Variants in ADAD2 observed in about 807,000 individuals in gnomAD.
ADAD2 encodes adenosine deaminase domain containing 2.
A neutral mutation model predicts 54.5 loss-of-function variants in ADAD2; 60 were observed. The ratio of observed to expected loss-of-function variants is 1.10; its 90% CI spans 0.89 to 1.36. The LOEUF (loss-of-function observed/expected upper bound fraction) is 1.36, where lower values mean the gene tolerates loss of function less well. Ranked by LOEUF, ADAD2 falls within the 40% of genes most tolerant of loss-of-function variation. The pLI, the probability that ADAD2 is intolerant of heterozygous loss-of-function variation, is 0.00. For synonymous variants in ADAD2, 543 were observed against 366.2 expected (o/e 1.48, Z -5.51); for missense variants, 1,103 against 801.3 (o/e 1.38, Z -4.54).
chr16:84,195,954 G>T lies in ADAD2; in HGVS notation c.1192G>T (p.Asp398Tyr). 1.3e-6 allele frequency: 2 copies of T among 1,599,160 alleles called. No individual in the cohort carries two copies. Among genetic ancestry groups the T allele is most frequent in the Non-Finnish European group, 1.7e-6 (2 of 1,179,574 alleles). The change falls in exon 7 of 10, where the codon GAC becomes TAC. Residue 398 changes from aspartate (D) to tyrosine (Y), a missense_variant. By Grantham distance (160) the Asp-to-Tyr change is radical. Transcript: ENST00000315906. ...DTHVGCLSAS[D>Y]KLARWAVLGL... ...CCACGTGGGCTGCCTGTCAGCCAGT[G>T]ACAAGCTGGCACGCTGGGCCGTGCT...
Position 84,196,636 on chromosome 16 carries a change from T to C in ADAD2, c.1527-11T>C, listed in dbSNP as rs746719266. On this transcript the variant is annotated splice_polypyrimidine_tract_variant and intron_variant, in intron 8 of 9. Transcript: ENST00000315906. ...TCTCTCTGATCTCAGTGGTATCCTC[T>C]CTTCATCCAGTGCCGCCCTGGGGCC... 2.5e-6 allele frequency: 4 copies of C among 1,612,454 alleles called. No homozygotes were observed. Among genetic ancestry groups the C allele is most frequent in the Non-Finnish European group, 3.4e-6 (4 of 1,179,496 alleles).
rs754442532 is a variant in ADAD2, at chr16:84,191,401, G to A, written c.171G>A (p.Gly57=). The change falls in exon 1 of 10, where the codon GGG becomes GGA. Residue 57 remains glycine (G), a synonymous_variant. Coordinates refer to ENST00000315906, the MANE Select transcript of ADAD2 (RefSeq NM_001145400.2). Reference sequence around the variant, plus strand: ...CCGCGACGTATCGCGCGGAGGGCGGGTGGCCCCAGGTCTCGGTGTTGAGGG... The same window carrying A: ...CCGCGACGTATCGCGCGGAGGGCGGATGGCCCCAGGTCTCGGTGTTGAGGG... ...PAPATYRAEG[G]WPQVSVLRDS... 1 of 1,495,234 alleles carries A rather than the reference G, an allele frequency of 6.7e-7. No homozygotes were observed. The highest frequency in any genetic ancestry group is 8.9e-7 in the Non-Finnish European group (1 of 1,126,280). 92.6% of individuals were successfully genotyped at this position (1,495,234 alleles called of 1,614,324 possible).
chr16:84,196,608 G>A (rs767887702), intron 8 of ADAD2, 39 bp from the exon 9 acceptor site: 5 of 1,604,070 alleles, frequency 3.1e-6, no homozygotes, highest in Non-Finnish European at 4.3e-6. Flanking sequence ...GGTCCAGCTT[G>A]TATCTCTCTG....
At chr16:84,192,718 AT>A (rs111366441) in intron 1 of ADAD2, 1 of 151,330 alleles carries the variant, frequency 6.6e-6, no homozygotes, top group Non-Finnish European at 1.5e-5. Flanking sequence ...TTATTTTTGT[AT>A]TTTTAGTACA....
rs1019145852 is a variant in ADAD2, at chr16:84,197,135, G to A, written c.*161G>A. 8.9e-6 allele frequency: 6 copies of A among 677,416 alleles called. No homozygotes were observed. The highest frequency in any genetic ancestry group is 3.6e-5 in the African/African-American group (2 of 54,886). 42.0% of individuals were successfully genotyped at this position (677,416 alleles called of 1,614,324 possible). A position where few individuals can be genotyped will look rare whatever the true frequency, so the allele number is the denominator to read the frequency against. On this transcript the variant is annotated 3_prime_UTR_variant, in exon 10 of 10. Coordinates refer to ENST00000315906, the MANE Select transcript of ADAD2 (RefSeq NM_001145400.2). ...TGTGGTTGGGAGGCGGCTGCTGCACGTTTGGGCTTGAATAAAGAAGTATTT... is the reference window on the plus strand; with the variant it reads ...TGTGGTTGGGAGGCGGCTGCTGCACATTTGGGCTTGAATAAAGAAGTATTT...
chr16:84,194,299 G>A (rs13333300), intron 1 of ADAD2, 143 bp from the exon 2 acceptor site: 84,820 of 1,546,690 alleles, frequency 0.055, 2,495 homozygotes, highest in East Asian at 0.072. Context: ...GGGTGGCGAT[G>A]GAGCCTGCTG....
chr16:84,195,904 A>G lies in ADAD2; in HGVS notation c.1142A>G (p.Tyr381Cys). The change falls in exon 7 of 10, where the codon TAC (tyrosine) becomes TGC (cysteine). Residue 381 changes from tyrosine (Y) to cysteine (C), a missense_variant. Coordinates refer to ENST00000315906, the MANE Select transcript of ADAD2 (RefSeq NM_001145400.2). Reference protein sequence around the residue: ...HVLGQLKPVCYVAPSLCDTHV... With the variant: ...HVLGQLKPVCCVAPSLCDTHV... ...CTCGGGCAGCTGAAGCCTGTGTGCT[A>G]CGTGGCGCCCTCGCTCTGTGACACC... 1 of 1,601,602 alleles carries G rather than the reference A, an allele frequency of 6.2e-7. No individual in the cohort carries two copies. Among genetic ancestry groups the G allele is most frequent in the Admixed American group, 1.7e-5 (1 of 59,956 alleles).
intron 1 of ADAD2, chr16:84,194,117 G>C (rs770675816): frequency 6.2e-7 from 1 of 1,613,956 alleles, no homozygotes; most frequent in Admixed American, 1.7e-5. Context: ...CGTGGGCTCT[G>C]GAGAGGGGAC....
At chr16:84,195,265 G>T (rs750892976) in intron 4 of ADAD2, 31 bp from the exon 5 acceptor site, 2 of 1,611,912 alleles carry the variant, frequency 1.2e-6, no homozygotes, top group Admixed American at 1.7e-5. Context: ...CCTTGCCTTA[G>T]GCTGGGCCGT....
At chr16:84,196,804 C>G in intron 9 of ADAD2, 37 bp downstream of exon 9, 1 of 1,600,832 alleles carries the variant, frequency 6.2e-7, no homozygotes, top group South Asian at 1.1e-5. Context: ...CGGTCCCTCT[C>G]CAGCCCTGCA....
Position 84,195,947 on chromosome 16 carries a change from A to G in ADAD2, c.1185A>G (p.Ser395=). 1 of 1,599,458 alleles carries G rather than the reference A, an allele frequency of 6.3e-7. No homozygotes were observed. Among genetic ancestry groups the G allele is most frequent in the South Asian group, 1.1e-5 (1 of 91,038 alleles). Residue 395 remains serine, a synonymous_variant, in exon 7 of 10, where the codon TCA becomes TCG. Transcript: ENST00000315906. ...GTGACACCCACGTGGGCTGCCTGTC[A>G]GCCAGTGACAAGCTGGCACGCTGGG... is the stretch of plus-strand genomic sequence containing the variant. ...SLCDTHVGCL[S]ASDKLARWAV...
chr16:84,194,359 T>G (rs1462010412), intron 1 of ADAD2, 83 bp from the exon 2 acceptor site: 11 of 1,554,880 alleles, frequency 7.1e-6, no homozygotes, highest in Non-Finnish European at 9.6e-6. Context: ...GTCCTCGATA[T>G]CAGGTGTCAG....
At chr16:84,196,506 G>A (rs1428860290) in intron 8 of ADAD2, 136 bp downstream of exon 8, 14 of 1,541,940 alleles carry the variant, frequency 9.1e-6, no homozygotes, top group African/African-American at 4.1e-5. Context: ...TCCTAGCTCC[G>A]TAGTGGTGGC....
rs73252701 is a variant in ADAD2 at position 84,195,145 on chromosome 16, G to A, written c.684G>A (p.Ser228=). 66 of 1,613,534 alleles carry A rather than the reference G, an allele frequency of 4.1e-5. No individual in the cohort carries two copies. The highest frequency in any genetic ancestry group is 3.6e-4 in the African/African-American group (27 of 75,046). ...AGFDLLLDER[S]PYWACKGTVA... is the part of the protein sequence containing the mutation. ...TTGACCTCCTGTTGGACGAGCGCTC[G>A]CCATACTGGGCCTGTAAGGGGACTG... is the stretch of plus-strand genomic sequence containing the variant. The change falls in exon 4 of 10, where the codon TCG becomes TCA. Residue 228 remains serine (S), a synonymous_variant. Transcript: ENST00000315906.
chr16:84,196,277 C>T lies in ADAD2; in HGVS notation c.1433C>T (p.Thr478Ile), dbSNP rs147920041. The T allele has an allele frequency of 3.2e-4, 518 of 1,612,938 alleles. 5 individuals carry two copies. The East Asian group carries it at 8.1e-3, about 25-fold the overall frequency. ...AGPPVAPSEPTPDTCRGLSLN... is the reference protein window; with the variant it reads ...AGPPVAPSEPIPDTCRGLSLN... ...CCCCCGGTGGCCCCTTCCGAACCCA[C>T]CCCTGACACCTGCCGTGGCCTGAGC... The change falls in exon 8 of 10, where the codon ACC (threonine) becomes ATC (isoleucine). Residue 478 changes from threonine to isoleucine, a missense_variant. Physicochemically the swap from Thr to Ile is moderately conservative, Grantham distance 89. Coordinates refer to ENST00000315906, the MANE Select transcript of ADAD2 (RefSeq NM_001145400.2).
Position 84,195,404 on chromosome 16 carries a change from A to G in ADAD2, c.842A>G (p.His281Arg). The G allele has an allele frequency of 6.2e-7, 1 of 1,609,208 alleles. No individual in the cohort carries two copies. The highest frequency in any genetic ancestry group is 1.3e-5 in the African/African-American group (1 of 74,996). The change falls in exon 5 of 10, where the codon CAC becomes CGC. Residue 281 changes from histidine to arginine, a missense_variant. Transcript: ENST00000315906. Reference sequence around the variant, plus strand: ...CTGGAGTTCTCGGGCCAGCAGCTCCACGACTGCCATGGCCTGGTCATCGCC... The same window carrying G: ...CTGGAGTTCTCGGGCCAGCAGCTCCGCGACTGCCATGGCCTGGTCATCGCC... ...GWLEFSGQQL[H>R]DCHGLVIARR... is the part of the protein sequence containing the mutation.
chr16:84,194,659 G>A (rs777108028), intron 2 of ADAD2, 77 bp downstream of exon 2: 17 of 1,548,662 alleles, frequency 1.1e-5, no homozygotes, highest in African/African-American at 1.4e-5. Context: ...GTGGGGAGGC[G>A]GAAGTGGCTG....
rs1027580145 is a variant in ADAD2, at chr16:84,196,336, G to T, written c.1492G>T (p.Val498Phe). The change falls in exon 8 of 10, where the codon GTT becomes TTT. Residue 498 changes from valine to phenylalanine, a missense_variant. Physicochemically the swap from Val to Phe is conservative, Grantham distance 50. Transcript: ENST00000315906. ...NWSLGDPGIE[V>F]VDVATGRVKA... ...GAGCCTGGGGGACCCTGGCATCGAG[G>T]TTGTGGATGTGGCCACCGGGCGTGT... The T allele has an allele frequency of 6.2e-7, 1 of 1,612,712 alleles. No homozygotes were observed. Among genetic ancestry groups the T allele is most frequent in the African/African-American group, 1.3e-5 (1 of 74,934 alleles).
Position 84,196,725 on chromosome 16 carries a change from G to A in ADAD2, c.1605G>A (p.Gly535=), listed in dbSNP as rs2089736105. 6.2e-7 allele frequency: 1 copy of A among 1,613,046 alleles called. No homozygotes were observed. Among genetic ancestry groups the A allele is most frequent in the Non-Finnish European group, 8.5e-7 (1 of 1,179,960 alleles). ...RAFHQAARAV[G]KPYLLALKTY... is the part of the protein sequence containing the mutation. Reference sequence around the variant, plus strand: ...TTCACCAGGCGGCCAGGGCTGTGGGGAAGCCCTACCTCCTGGCCTTGAAGA... The same window carrying A: ...TTCACCAGGCGGCCAGGGCTGTGGGAAAGCCCTACCTCCTGGCCTTGAAGA... The change falls in exon 9 of 10, where the codon GGG becomes GGA. Residue 535 remains glycine, a synonymous_variant. Coordinates refer to ENST00000315906, the MANE Select transcript of ADAD2 (RefSeq NM_001145400.2).
Sources: gnomAD v4.1 joint callset for allele counts on GRCh38, gnomAD v4.1.1 for gene constraint, MANE v1.5 for transcripts, NCBI Gene and HGNC (gene_info 2026-07-23, HGNC 2026-07-21) for gene names.